C11orf97: variants seen among roughly 807,000 people sequenced by gnomAD.
C11orf97 encodes the protein uncharacterized protein C11orf97.
In C11orf97, 15 loss-of-function variants were observed where a neutral mutation model predicts 16.2. That is an observed-to-expected ratio of 0.93 (90% CI 0.62 to 1.43). The LOEUF is 1.43. Among genes scored for constraint, C11orf97 ranks in the 40% most tolerant of loss-of-function variants. The pLI, the probability that C11orf97 is intolerant of heterozygous loss-of-function variation, is 0.00. For synonymous variants in C11orf97, 61 were observed against 65.7 expected, an observed-to-expected ratio of 0.93 and a Z score of 0.34; for missense variants, 171 against 161.2, an observed-to-expected ratio of 1.06 and a Z score of -0.33.
chr11:94,531,833 G>A (rs915172300), intron 3 of C11orf97, 63 bp from the exon 4 acceptor site: 2 of 1,262,678 alleles, frequency 1.6e-6, no homozygotes, highest in African/African-American at 1.6e-5. Flanking sequence ...TAAAATGGGT[G>A]AGATTAAAGA....
intron 3 of C11orf97, 78 bp from the exon 4 acceptor site, chr11:94,531,818 T>C: frequency 8.4e-7 from 1 of 1,190,920 alleles, no homozygotes; most frequent in South Asian, 1.8e-5. Context: ...AAGTCAAATT[T>C]AGATTAAAAT....
At chr11:94,524,974 G>T (rs1947688513) in intron 2 of C11orf97, among the ~76,000 whole-genome samples, 1 of 151,226 alleles carries the variant, frequency 6.6e-6, no homozygotes, top group Admixed American at 6.6e-5. Flanking sequence ...CAGGAGAATT[G>T]CTTGAACCCA....
At chr11:94,531,486 C>G (rs142388220) in intron 3 of C11orf97, among the ~76,000 whole-genome samples, 85 of 127,064 alleles carry the variant, frequency 6.7e-4, no homozygotes, top group African/African-American at 2.6e-3. Flanking sequence ...GACAAAAAAC[C>G]TTTTATCGTT....
intron 1 of C11orf97, among the ~76,000 whole-genome samples, chr11:94,516,455 A>C (rs1483685663): frequency 5.3e-5 from 8 of 152,216 alleles, no homozygotes; most frequent in Non-Finnish European, 1.2e-4. Context: ...TAGAGCTCCA[A>C]TTTATCAGTG....
intron 2 of C11orf97, among the ~76,000 whole-genome samples, chr11:94,526,400 A>G (rs577441790): frequency 2.6e-5 from 4 of 152,274 alleles, no homozygotes; most frequent in African/African-American, 9.6e-5. Context: ...GGGCATCTGC[A>G]TTTATATTTC....
chr11:94,531,526 CAAAAAAAAA>C (rs35270400), intron 3 of C11orf97, among the ~76,000 whole-genome samples: 1 of 92,074 alleles, frequency 1.1e-5, no homozygotes, highest in African/African-American at 4.1e-5. Context: ...CAAAACAAGC[CAAAAAAAAA>C]AAAAAAAAAA....
chr11:94,531,525 CCAAAAA>C (rs1565255564), intron 3 of C11orf97, among the ~76,000 whole-genome samples: 1 of 46,784 alleles, frequency 2.1e-5, no homozygotes. Context: ...ACAAAACAAG[CCAAAAA>C]AAAAAAAAAA....
intron 2 of C11orf97, among the ~76,000 whole-genome samples, chr11:94,522,068 A>C (rs1947661689): frequency 6.6e-6 from 1 of 152,170 alleles, no homozygotes; most frequent in African/African-American, 2.4e-5. Flanking sequence ...TGTTTATCGG[A>C]GTGTTTCCCA....
chr11:94,528,126 TG>T lies in C11orf97; in HGVS notation c.296del (p.Gly99GlufsTer3), dbSNP rs777372831. 276 of 1,535,606 alleles carry T rather than the reference TG, an allele frequency of 1.8e-4. No homozygotes were observed. Among genetic ancestry groups the T allele is most frequent in the Non-Finnish European group, 2.2e-4 (252 of 1,146,666 alleles). On this transcript the variant is annotated frameshift_variant, in exon 3 of 4. Transcript: ENST00000542198. LOFTEE classifies it high-confidence loss of function. ...TGGAGCATTAAAAGGAATCTGCCTG[TG>T]GGAGGCTTGAAGCCAGGACTGCCGA... ...GIWSIKRNLP[V>X]GGLKPGLPSR...
chr11:94,528,277 G>T, intron 3 of C11orf97, 68 bp downstream of exon 3: 1 of 1,348,530 alleles, frequency 7.4e-7, no homozygotes, highest in Non-Finnish European at 9.8e-7. Flanking sequence ...CAAACCAGTG[G>T]TATATGCTCT....
chr11:94,531,917 C>A lies in C11orf97; in HGVS notation c.*17C>A. The A allele has an allele frequency of 2.1e-6, 3 of 1,458,986 alleles. No individual in the cohort carries two copies. Among genetic ancestry groups the A allele is most frequent in the South Asian group, 1.4e-5 (1 of 73,630 alleles). The allele number at this position is 1,458,986 out of a possible 1,614,324, so 90.4% of individuals were successfully genotyped here. ...CTAGGATAAGATGAATTAGATTTTCCATTAAGAAGGAACCTCTTTCTGCTG... is the reference window on the plus strand; with the variant it reads ...CTAGGATAAGATGAATTAGATTTTCAATTAAGAAGGAACCTCTTTCTGCTG... On this transcript the variant is annotated 3_prime_UTR_variant, in exon 4 of 4. Coordinates refer to ENST00000542198, the MANE Select transcript of C11orf97 (RefSeq NM_001190462.2).
intron 2 of C11orf97, among the ~76,000 whole-genome samples, chr11:94,524,334 T>A (rs180803124): frequency 6.6e-6 from 1 of 152,234 alleles, no homozygotes; most frequent in East Asian, 1.9e-4. Flanking sequence ...CTATTAGCCA[T>A]TGGGTTCTTC....
At chr11:94,528,349 G>A (rs1175246388) in intron 3 of C11orf97, 140 bp downstream of exon 3, 2 of 784,184 alleles carry the variant, frequency 2.6e-6, no homozygotes, top group African/African-American at 1.8e-5. Flanking sequence ...GTTGCTTTTA[G>A]TTTGGCCATA....
rs1167399153 is a variant in C11orf97 at position 94,531,849 on chromosome 11, TC to T, written c.377-43del. The T allele has an allele frequency of 2.9e-6, 4 of 1,369,984 alleles. No individual in the cohort carries two copies. The East Asian group carries it at 8.1e-5, about 28-fold the overall frequency. 84.9% of individuals were successfully genotyped at this position (1,369,984 alleles called of 1,614,324 possible). ...AAAATGGGTGAGATTAAAGAGCATC[TC>T]CCCGAAGTAAAACACTTATTTTTTC... On this transcript the variant is annotated intron_variant, in intron 3 of 3. Coordinates refer to ENST00000542198, the MANE Select transcript of C11orf97 (RefSeq NM_001190462.2).
chr11:94,530,107 T>C (rs1947727159), intron 3 of C11orf97, among the ~76,000 whole-genome samples: 1 of 152,240 alleles, frequency 6.6e-6, no homozygotes, highest in African/African-American at 2.4e-5. Context: ...TGGGGACATA[T>C]GATAAAAAAT....
chr11:94,531,206 A>C (rs7945897), intron 3 of C11orf97, among the ~76,000 whole-genome samples: 1 of 152,060 alleles, frequency 6.6e-6, no homozygotes, highest in South Asian at 2.1e-4. Flanking sequence ...CTGGGAGGCC[A>C]AGGCGGGCAG....
chr11:94,519,594 A>T (rs1313070695), intron 2 of C11orf97, among the ~76,000 whole-genome samples: 5 of 152,248 alleles, frequency 3.3e-5, no homozygotes, highest in Non-Finnish European at 5.9e-5. Context: ...GGTTTATAAA[A>T]ATTCATTTTC....
chr11:94,522,976 C>A (rs542985212), intron 2 of C11orf97, among the ~76,000 whole-genome samples: 1 of 152,256 alleles, frequency 6.6e-6, no homozygotes, highest in South Asian at 2.1e-4. Context: ...CCCGTGCTGA[C>A]CTGCCCACTC....
chr11:94,519,960 C>T (rs1219805214), intron 2 of C11orf97, among the ~76,000 whole-genome samples: 1 of 152,208 alleles, frequency 6.6e-6, no homozygotes, highest in Non-Finnish European at 1.5e-5. Flanking sequence ...CTGATGACAG[C>T]CATGGCTTCT....
Sources: gnomAD v4.1 joint callset for allele counts (sites outside exome capture counted in the v4.1 genomes callset) on GRCh38, gnomAD v4.1.1 for gene constraint, MANE v1.5 for transcripts, NCBI Gene and HGNC (gene_info 2026-07-23, HGNC 2026-07-21) for gene names.